FRMPD4: variants seen among roughly 807,000 people sequenced by gnomAD.
The protein encoded by FRMPD4 is FERM and PDZ domain-containing protein 4.
A neutral mutation model predicts 94.1 loss-of-function variants in FRMPD4; 22 were observed. The observed-to-expected ratio is 0.23, with a 90% CI of 0.17 to 0.33. FRMPD4 has a LOEUF of 0.33. Ranked by LOEUF, FRMPD4 falls within the 10% of genes least tolerant of loss-of-function variation. FRMPD4 has a pLI of 1.00. For synonymous variants in FRMPD4, 631 were observed against 548.6 expected (o/e 1.15, Z -2.10); for missense variants, 1,111 against 1,339.9 (o/e 0.83, Z 2.67).
chrX:12,477,015 T>C (rs2057609440), intron 1 of FRMPD4, among the ~76,000 whole-genome samples: 1 of 111,971 alleles, frequency 8.9e-6, no homozygotes, highest in Non-Finnish European at 1.9e-5. Context: ...CGTATGTTTA[T>C]TGTGGCACTA....
rs376673909 is a variant in FRMPD4, at chrX:11,910,708, G to T, written c.95+32690G>T. Among the ~76,000 whole-genome samples the T allele has an allele frequency of 1.7e-4, 19 of 112,015 alleles. No homozygotes were observed. The East Asian group carries it at 2.0e-3, about 12-fold the overall frequency. ...TAGGATTACAGGCACGGGCCACTGT[G>T]CCTAGCCAATGACTGCATTTTTAAT... On this transcript the variant is annotated intron_variant, in intron 3 of 18. Coordinates refer to the FRMPD4 transcript ENST00000640291.
At chrX:12,602,460 T>C (rs2059093718) in intron 2 of FRMPD4, among the ~76,000 whole-genome samples, 1 of 111,760 alleles carries the variant, frequency 8.9e-6, no homozygotes, top group African/African-American at 3.3e-5. Context: ...AAGTTTCCTT[T>C]GGAGGTGTCT....
chrX:11,867,788 C>T (rs2053730202), intron 2 of FRMPD4, among the ~76,000 whole-genome samples: 1 of 111,089 alleles, frequency 9.0e-6, no homozygotes, highest in African/African-American at 3.3e-5. Context: ...CCTCATCTCA[C>T]ACCAGTCTTG....
intron 3 of FRMPD4, among the ~76,000 whole-genome samples, chrX:11,947,080 C>G: frequency 9.0e-6 from 1 of 111,455 alleles, no homozygotes; most frequent in Non-Finnish European, 1.9e-5. Context: ...ACTCTTACAG[C>G]CTGGGACCTT....
intron 1 of FRMPD4, among the ~76,000 whole-genome samples, chrX:12,494,696 G>A (rs752288612): frequency 4.6e-4 from 51 of 111,898 alleles, no homozygotes; most frequent in African/African-American, 1.3e-3. Flanking sequence ...ACCATGGGTT[G>A]CTTCCACTAA....
intron 1 of FRMPD4, among the ~76,000 whole-genome samples, chrX:12,141,663 T>C (rs953158691): frequency 1.9e-5 from 2 of 107,566 alleles, no homozygotes; most frequent in African/African-American, 3.4e-5. Flanking sequence ...TTATGACCCT[T>C]GATTGCATCC....
chrX:12,295,205 C>T (rs2054752935), intron 1 of FRMPD4, among the ~76,000 whole-genome samples: 1 of 112,141 alleles, frequency 8.9e-6, no homozygotes, highest in African/African-American at 3.2e-5. Flanking sequence ...TCACTGTATC[C>T]CTGCAGAGAA....
chrX:12,273,857 C>T (rs2054390684), intron 1 of FRMPD4, among the ~76,000 whole-genome samples: 1 of 111,909 alleles, frequency 8.9e-6, no homozygotes, highest in Non-Finnish European at 1.9e-5. Flanking sequence ...CCTTTTTGAC[C>T]GAAATGTTTT....
chrX:12,237,061 C>G (rs1273776361), intron 1 of FRMPD4, among the ~76,000 whole-genome samples: 3 of 112,011 alleles, frequency 2.7e-5, no homozygotes, highest in African/African-American at 9.7e-5. Context: ...AAGCCCTGAT[C>G]TACGCAATAG....
chrX:12,201,052 C>T (rs1371582916), intron 1 of FRMPD4, among the ~76,000 whole-genome samples: 1 of 112,143 alleles, frequency 8.9e-6, no homozygotes, highest in African/African-American at 3.2e-5. Context: ...AGCCCCCCTA[C>T]AGTCAGAATC....
intron 3 of FRMPD4, among the ~76,000 whole-genome samples, chrX:12,039,975 A>G (rs1275681207): frequency 2.8e-5 from 3 of 105,738 alleles, no homozygotes; most frequent in Admixed American, 1.0e-4. Context: ...GTCAAAAAAA[A>G]AAAAAAAAAG....
intron 3 of FRMPD4, among the ~76,000 whole-genome samples, chrX:12,059,299 G>C (rs994058313): frequency 9.0e-6 from 1 of 111,731 alleles, no homozygotes; most frequent in African/African-American, 3.3e-5. Context: ...ATTTGCAGTT[G>C]TATCATTAAA....
intron 4 of FRMPD4, among the ~76,000 whole-genome samples, chrX:12,633,457 G>T (rs142451609): frequency 8.9e-6 from 1 of 111,850 alleles, no homozygotes; most frequent in African/African-American, 3.3e-5. Flanking sequence ...CCTTTTGAAT[G>T]GCGAGAGCTG....
intron 3 of FRMPD4, among the ~76,000 whole-genome samples, chrX:12,132,648 G>C (rs2055562349): frequency 9.0e-6 from 1 of 111,226 alleles, no homozygotes; most frequent in Non-Finnish European, 1.9e-5. Context: ...AAACAGCAAG[G>C]AAAGAAGAAA....
chrX:12,171,087 G>A (rs2056212821), intron 1 of FRMPD4, among the ~76,000 whole-genome samples: 1 of 112,879 alleles, frequency 8.9e-6, no homozygotes, highest in Non-Finnish European at 1.9e-5. Context: ...TCTGCCTTTT[G>A]GAGTCTAGAA....
intron 1 of FRMPD4, among the ~76,000 whole-genome samples, chrX:11,852,035 C>A (rs1012676652): frequency 1.8e-5 from 2 of 108,852 alleles, no homozygotes; most frequent in African/African-American, 6.6e-5. Flanking sequence ...TTAATAAAAT[C>A]TTTTCATCTG....
chrX:12,521,556 T>G (rs913129165), intron 2 of FRMPD4, among the ~76,000 whole-genome samples: 1 of 112,611 alleles, frequency 8.9e-6, no homozygotes, highest in African/African-American at 3.2e-5. Flanking sequence ...TAGGTACGAT[T>G]TATAGAGTTA....
At chrX:12,115,770 G>T (rs1042257814) in intron 3 of FRMPD4, among the ~76,000 whole-genome samples, 2 of 109,985 alleles carry the variant, frequency 1.8e-5, no homozygotes, top group Non-Finnish European at 3.8e-5. Context: ...TCCTCCCCAT[G>T]GTTACTCTCA....
intron 2 of FRMPD4, among the ~76,000 whole-genome samples, chrX:12,517,808 G>A (rs2058119228): frequency 2.7e-5 from 3 of 113,003 alleles, no homozygotes; most frequent in African/African-American, 9.6e-5. Flanking sequence ...CAGGGGGAAA[G>A]ACTAAGTCTG....
Sources: allele counts gnomAD v4.1 joint callset (sites outside exome capture counted in the v4.1 genomes callset), GRCh38; gene constraint gnomAD v4.1.1; transcripts MANE v1.5; gene names NCBI Gene and HGNC (gene_info 2026-07-23, HGNC 2026-07-21).